Variants in UVSSA observed in about 807,000 individuals in gnomAD.
UVSSA encodes the protein UV stimulated scaffold protein A.
UVSSA carries 72 observed loss-of-function variants against 73.9 expected under a neutral mutation model. The observed-to-expected ratio is 0.97, with a 90% CI of 0.81 to 1.19. UVSSA has a LOEUF of 1.19. Ranked by LOEUF, UVSSA falls within the 50% of genes most tolerant of loss-of-function variation. The pLI, the probability that UVSSA is intolerant of heterozygous loss-of-function variation, is 0.00. For missense variants in UVSSA, 1,150 were observed against 965.0 expected (o/e 1.19, Z -2.54); for synonymous variants, 454 against 391.3 (o/e 1.16, Z -1.89).
At chr4:1,379,265 A>G (rs1719144608) in intron 10 of UVSSA, among the ~76,000 whole-genome samples, 1 of 152,150 alleles carries the variant, frequency 6.6e-6, no homozygotes, top group Non-Finnish European at 1.5e-5. Flanking sequence ...TGTGTCCTAG[A>G]AGGAGGCCTG....
chr4:1,355,174 G>C lies in UVSSA; in HGVS notation c.1105G>C (p.Ala369Pro), dbSNP rs528456675. 2 of 1,613,890 alleles carry C rather than the reference G, an allele frequency of 1.2e-6. No individual in the cohort carries two copies. Among genetic ancestry groups the C allele is most frequent in the Non-Finnish European group, 1.7e-6 (2 of 1,179,932 alleles). Residue 369 changes from alanine (A) to proline (P), a missense_variant, in exon 7 of 14, where the codon GCT (alanine) becomes CCT (proline). By Grantham distance (27) the Ala-to-Pro change is conservative (BLOSUM62 -1). Coordinates refer to ENST00000389851, the MANE Select transcript of UVSSA (RefSeq NM_020894.4). ...GCLKRAIDLK[A>P]ELELVLRKYK... The stretch of plus-strand genomic sequence containing the variant: ...TTTAAAGCGTGCCATTGACCTGAAG[G>C]CTGAATTGGAGCTCGTACTGAGAAA...
chr4:1,375,877 A>G (rs1039784672), intron 9 of UVSSA, among the ~76,000 whole-genome samples, 157 bp from the exon 10 acceptor site: 1 of 152,256 alleles, frequency 6.6e-6, no homozygotes, highest in Non-Finnish European at 1.5e-5. Context: ...ACAGGACCTC[A>G]GCGGTGGCCC....
chr4:1,347,216 C>T lies in UVSSA; in HGVS notation c.-547C>T, dbSNP rs982145643. The T allele has an allele frequency of 6.6e-6, 1 of 152,284 alleles. No homozygotes were observed. Among genetic ancestry groups the T allele is most frequent in the Non-Finnish European group, 1.5e-5 (1 of 68,066 alleles). The allele number at this position is 152,284 out of a possible 1,614,324, so 9.4% of individuals were successfully genotyped here. The stretch of plus-strand genomic sequence containing the variant: ...GCCGGAAGGGGCGGGGCGAGGCGAG[C>T]GGCCGCGTCAGCGGTAGGTGGGGCT... On this transcript the variant is annotated 5_prime_UTR_variant, in exon 1 of 14. Transcript: ENST00000389851.
intron 10 of UVSSA, among the ~76,000 whole-genome samples, chr4:1,377,334 G>A (rs984189009): frequency 1.4e-4 from 21 of 152,174 alleles, no homozygotes; most frequent in African/African-American, 4.8e-4. Context: ...AGAGCAGGAT[G>A]GTAAGCGAGG....
chr4:1,375,598 A>G, intron 9 of UVSSA, 90 bp downstream of exon 9: 1 of 1,521,924 alleles, frequency 6.6e-7, no homozygotes, highest in Non-Finnish European at 8.8e-7. Context: ...GAGGCTGCTT[A>G]GTGCCTTTTC....
Position 1,366,448 on chromosome 4 carries a change from G to GT in UVSSA, c.1288+18dup, listed in dbSNP as rs780479359. On this transcript the variant is annotated intron_variant, in intron 8 of 13. Coordinates refer to ENST00000389851, the MANE Select transcript of UVSSA (RefSeq NM_020894.4). ...CTGAGTATGGTGAGCAGTGGGTCCC[G>GT]TGGGGGGGGCACCTGGGTGGAGGGT... The GT allele has an allele frequency of 5.1e-6, 8 of 1,583,526 alleles. No homozygotes were observed. The highest frequency in any genetic ancestry group is 4.1e-5 in the African/African-American group (3 of 73,566).
chr4:1,355,076 G>T (rs1048943340), intron 6 of UVSSA, 41 bp from the exon 7 acceptor site: 1 of 1,605,626 alleles, frequency 6.2e-7, no homozygotes, highest in South Asian at 1.1e-5. Flanking sequence ...CCCAGGTCCT[G>T]CCCGGCCGGC....
intron 7 of UVSSA, among the ~76,000 whole-genome samples, chr4:1,363,357 AAG>A (rs1716904676): frequency 6.6e-6 from 1 of 152,206 alleles, no homozygotes; most frequent in Admixed American, 6.5e-5. Flanking sequence ...TTTGGGGAGA[AAG>A]AAGGTGTAAT....
At chr4:1,363,528 G>A (rs112958021) in intron 7 of UVSSA, among the ~76,000 whole-genome samples, 14 of 152,192 alleles carry the variant, frequency 9.2e-5, no homozygotes, top group Admixed American at 2.0e-4. Context: ...TGTAGCACCC[G>A]GTCCACATCT....
At position 1,366,356 on chromosome 4, in the gene UVSSA, G is replaced by T. The variant is rs142249516; in HGVS notation, c.1213G>T (p.Asp405Tyr). 6.2e-7 allele frequency: 1 copy of T among 1,613,376 alleles called. No homozygotes were observed. The highest frequency in any genetic ancestry group is 8.5e-7 in the Non-Finnish European group (1 of 1,179,694). ...GGGGGATGCGGAGGAAGATGAGGAC[G>T]ATGAGGACTTTGTGGAGGTCCCTGA... ...ALGDAEEDED[D>Y]EDFVEVPEKE... The change falls in exon 8 of 14, where the codon GAT (aspartate) becomes TAT (tyrosine). Residue 405 changes from aspartate (D) to tyrosine (Y), a missense_variant. Asp to Tyr is a radical substitution (Grantham distance 160). Transcript: ENST00000389851.
In UVSSA at chr4:1,372,830, C is replaced by T. The variant is rs62284730; in HGVS notation, c.1289-2534C>T. On this transcript the variant is annotated intron_variant, in intron 8 of 13. Coordinates refer to ENST00000389851, the MANE Select transcript of UVSSA (RefSeq NM_020894.4). The stretch of plus-strand genomic sequence containing the variant: ...CCCGCGTCTCAGGGCACTCACCTCC[C>T]GCGTCTCAGGGCACTCACCTCCCGC... Among the ~76,000 whole-genome samples, 308 of 52,370 alleles carry T rather than the reference C, an allele frequency of 5.9e-3. 37 individuals are homozygous for T. Among genetic ancestry groups the T allele is most frequent in the African/African-American group, 0.016 (166 of 10,390 alleles). The allele number at this position is 52,370 out of a possible 152,430, so 34.4% of individuals were successfully genotyped here. A position where few individuals can be genotyped will look rare whatever the true frequency, so the allele number is the denominator to read the frequency against.
At chr4:1,346,436 G>A (rs559340647), upstream of UVSSA, among the ~76,000 whole-genome samples, 334 of 152,326 alleles carry the variant, frequency 2.2e-3, 1 homozygote, top group African/African-American at 7.7e-3. Flanking sequence ...AGGTCCGTCC[G>A]TCCGCAGCCG....
At chr4:1,360,422 C>T (rs1317924) in intron 7 of UVSSA, among the ~76,000 whole-genome samples, 71,793 of 152,184 alleles carry the variant, frequency 0.47, 21,449 homozygotes, top group African/African-American at 0.83. Context: ...AAAGCAGCCC[C>T]GTGGGGTCGA....
chr4:1,368,104 C>T (rs986832044), intron 8 of UVSSA, among the ~76,000 whole-genome samples: 6 of 152,210 alleles, frequency 3.9e-5, no homozygotes, highest in African/African-American at 1.4e-4. Context: ...CCTAGGCAGC[C>T]GTCTTGTCTG....
Position 1,348,258 on chromosome 4 carries a change from C to T in UVSSA, c.98+69C>T, listed in dbSNP as rs543773523. The T allele has an allele frequency of 8.3e-6, 10 of 1,202,474 alleles. No individual in the cohort carries two copies. The Admixed American group carries it at 1.0e-4, about 13-fold the overall frequency. 74.5% of individuals were successfully genotyped at this position (1,202,474 alleles called of 1,614,324 possible). On this transcript the variant is annotated intron_variant, in intron 2 of 13. Transcript: ENST00000389851. ...GCCCAGGACACACACAGGGCCCTGC[C>T]CTCCTGCCCCCACCTGGGAGAGAAC...
At chr4:1,359,638 G>T (rs538486859) in intron 7 of UVSSA, among the ~76,000 whole-genome samples, 1 of 152,080 alleles carries the variant, frequency 6.6e-6, no homozygotes, top group African/African-American at 2.4e-5. Context: ...TGTTCTCGCC[G>T]ATGTTGAGTC....
chr4:1,353,283 C>G lies in UVSSA; in HGVS notation c.804C>G (p.Gly268=), dbSNP rs750847610. ...CTGCAGGCCACCCCAGAGCGGGCGG[C>G]GGGGCACAGCCATCCCAGACAGCCA... The part of the protein sequence containing the change: ...PASAGHPRAG[G]GAQPSQTATG... Residue 268 remains glycine, a synonymous_variant, in exon 5 of 14, where the codon GGC becomes GGG. Coordinates refer to ENST00000389851, the MANE Select transcript of UVSSA (RefSeq NM_020894.4). The G allele has an allele frequency of 1.2e-6, 2 of 1,610,930 alleles. No individual in the cohort carries two copies. The highest frequency in any genetic ancestry group is 2.2e-5 in the South Asian group (2 of 91,074).
At chr4:1,367,042 A>T (rs1057513124) in intron 8 of UVSSA, among the ~76,000 whole-genome samples, 7 of 152,178 alleles carry the variant, frequency 4.6e-5, no homozygotes, top group African/African-American at 1.4e-4. Flanking sequence ...TACGGGGGTC[A>T]CAAGCACAGG....
At chr4:1,376,771 G>A (rs912534573) in intron 10 of UVSSA, among the ~76,000 whole-genome samples, 2 of 152,224 alleles carry the variant, frequency 1.3e-5, no homozygotes, top group Non-Finnish European at 1.5e-5. Context: ...ACAGCTCGCT[G>A]GCACGGCCTA....
Sources: allele counts gnomAD v4.1 joint callset (sites outside exome capture counted in the v4.1 genomes callset), GRCh38; gene constraint gnomAD v4.1.1; transcripts MANE v1.5; gene names NCBI Gene and HGNC (gene_info 2026-07-23, HGNC 2026-07-21).